Variants in LNPK observed in about 807,000 individuals in gnomAD.
LNPK encodes lunapark, ER junction formation factor.
A neutral mutation model predicts 55.2 loss-of-function variants in LNPK; 29 were observed. That is an observed-to-expected ratio of 0.53 (90% CI 0.39 to 0.72). LNPK has a LOEUF of 0.72. Among genes scored for constraint, LNPK ranks in the 30% least tolerant of loss-of-function variants. LNPK has a pLI of 0.00. For synonymous variants in LNPK, 162 were observed against 168.2 expected (o/e 0.96, Z 0.29); for missense variants, 467 against 494.8 (o/e 0.94, Z 0.53).
rs1684602250 is a variant in LNPK, at chr2:175,937,386, G to T, written c.1012C>A (p.Pro338Thr). ...TCTGATGAAAGCACACTTCCTGATG[G>T]CAAGGGACCAACTGAACTTGAACCT... is the stretch of plus-strand genomic sequence containing the variant. ...VEGSSSVGPL[P>T]SGSVLSSDNQ... The change falls in exon 12 of 13, where the codon CCA becomes ACA. Residue 338 changes from proline to threonine, a missense_variant. Coordinates refer to ENST00000272748, the MANE Select transcript of LNPK (RefSeq NM_030650.3). The T allele has an allele frequency of 6.2e-7, 1 of 1,613,570 alleles. No individual in the cohort carries two copies. The highest frequency in any genetic ancestry group is 2.2e-5 in the East Asian group (1 of 44,854).
At chr2:175,963,445 TATCA>T (rs1686167128) in intron 8 of LNPK, among the ~76,000 whole-genome samples, 1 of 151,976 alleles carries the variant, frequency 6.6e-6, no homozygotes, top group African/African-American at 2.4e-5. Flanking sequence ...CTCAGTAAAC[TATCA>T]CAAGAACAAA....
chr2:175,991,967 C>A (rs1004154419), intron 4 of LNPK, among the ~76,000 whole-genome samples: 1 of 152,106 alleles, frequency 6.6e-6, no homozygotes, highest in East Asian at 1.9e-4. Flanking sequence ...GGAGCATGGT[C>A]ATCTACTAGA....
intron 11 of LNPK, 71 bp from the exon 12 acceptor site, chr2:175,937,585 A>C: frequency 1.1e-5 from 12 of 1,079,798 alleles, no homozygotes; most frequent in East Asian, 2.5e-5. Context: ...TAGTTAACTC[A>C]CAAGATCACT....
chr2:175,971,296 A>G (rs1686651828), intron 5 of LNPK, among the ~76,000 whole-genome samples: 1 of 152,130 alleles, frequency 6.6e-6, no homozygotes, highest in Non-Finnish European at 1.5e-5. Flanking sequence ...GCATCTGAGA[A>G]GGGACATGGA....
At chr2:175,934,007 C>T (rs940296243) in intron 12 of LNPK, among the ~76,000 whole-genome samples, 6 of 152,144 alleles carry the variant, frequency 3.9e-5, no homozygotes, top group African/African-American at 9.7e-5. Flanking sequence ...GGATTACAGG[C>T]GTGAGCCACC....
rs1684142144 is a variant in LNPK, at chr2:175,928,992, A to G, written c.*975T>C. 2 of 384,334 alleles carry G rather than the reference A, an allele frequency of 5.2e-6. No individual in the cohort carries two copies. The highest frequency in any genetic ancestry group is 7.1e-6 in the Non-Finnish European group (2 of 280,036). 23.8% of individuals were successfully genotyped at this position (384,334 alleles called of 1,614,324 possible). ...GGAAACAAGTCTGAATAAAAGTACC[A>G]TAATTTGCTCTAAGCAGAATCTACA... On this transcript the variant is annotated 3_prime_UTR_variant, in exon 13 of 13. Transcript: ENST00000272748.
chr2:175,962,057 CACAA>C (rs1450542703), intron 8 of LNPK, among the ~76,000 whole-genome samples: 1 of 152,070 alleles, frequency 6.6e-6, no homozygotes, highest in Admixed American at 6.6e-5. Flanking sequence ...TAAAAGAGGA[CACAA>C]ACAAATAGAA....
chr2:175,995,871 T>C (rs1687909544), intron 1 of LNPK, among the ~76,000 whole-genome samples: 1 of 127,478 alleles, frequency 7.8e-6, no homozygotes, highest in African/African-American at 2.9e-5. Flanking sequence ...TGGAGTGCAG[T>C]GGCGAGATCT....
chr2:175,955,321 G>A (rs1056878153), intron 8 of LNPK, among the ~76,000 whole-genome samples: 13 of 152,110 alleles, frequency 8.5e-5, no homozygotes, highest in African/African-American at 3.1e-4. Flanking sequence ...CAACTGACCC[G>A]AGAGAAGTCC....
chr2:175,946,319 A>G (rs1685120020), intron 9 of LNPK, among the ~76,000 whole-genome samples: 1 of 152,206 alleles, frequency 6.6e-6, no homozygotes, highest in Admixed American at 6.5e-5. Context: ...AATCATGGGT[A>G]TCTCAAATCA....
intron 12 of LNPK, among the ~76,000 whole-genome samples, chr2:175,935,184 T>A (rs2105522104): frequency 6.6e-6 from 1 of 152,324 alleles, no homozygotes; most frequent in Middle Eastern, 3.4e-3. Flanking sequence ...TGGTTCCATC[T>A]GTAACTTCAA....
chr2:175,929,399 T>C lies in LNPK; in HGVS notation c.*568A>G, dbSNP rs1684157514. On this transcript the variant is annotated 3_prime_UTR_variant, in exon 13 of 13. Coordinates refer to ENST00000272748, the MANE Select transcript of LNPK (RefSeq NM_030650.3). ...GTACCAGTGCCAACGTAGTTACAGT[T>C]CTACTTAACTGTTCCACTGCATTCT... 2 of 985,342 alleles carry C rather than the reference T, an allele frequency of 2.0e-6. No homozygotes were observed. The highest frequency in any genetic ancestry group is 1.7e-5 in the African/African-American group (1 of 57,230). The allele number at this position is 985,342 out of a possible 1,614,324, so 61.0% of individuals were successfully genotyped here.
chr2:176,001,986 G>A (rs1559082526), intron 1 of LNPK, among the ~76,000 whole-genome samples, 174 bp downstream of exon 1: 1 of 152,214 alleles, frequency 6.6e-6, no homozygotes, highest in African/African-American at 2.4e-5. Context: ...GGGTCTGCGC[G>A]GACCACCGCG....
rs1223070327 is a variant in LNPK at position 175,924,405 on chromosome 2, T to C, written c.*5562A>G. 3 of 152,232 alleles carry C rather than the reference T, an allele frequency of 2.0e-5. No individual in the cohort carries two copies. Among genetic ancestry groups the C allele is most frequent in the Non-Finnish European group, 4.4e-5 (3 of 68,046 alleles). 9.4% of individuals were successfully genotyped at this position (152,232 alleles called of 1,614,324 possible). Reference sequence around the variant, plus strand: ...AGAAGAAAGTTTTAAGACGATTAAGTAGTTGCTGTCCACTGGAAATAAAAG... The same window carrying C: ...AGAAGAAAGTTTTAAGACGATTAAGCAGTTGCTGTCCACTGGAAATAAAAG... On this transcript the variant is annotated 3_prime_UTR_variant, in exon 13 of 13. Coordinates refer to ENST00000272748, the MANE Select transcript of LNPK (RefSeq NM_030650.3).
chr2:175,935,722 G>T, intron 12 of LNPK: 1 of 960,810 alleles, frequency 1.0e-6, no homozygotes, highest in Non-Finnish European at 1.2e-6. Context: ...TTGGGGTTGG[G>T]TTTGAGCCAG....
intron 4 of LNPK, among the ~76,000 whole-genome samples, chr2:175,981,367 C>T: frequency 6.6e-6 from 1 of 152,188 alleles, no homozygotes; most frequent in South Asian, 2.1e-4. Flanking sequence ...GTGGTAAACA[C>T]TCAGCAAAGA....
intron 8 of LNPK, among the ~76,000 whole-genome samples, chr2:175,952,947 C>T (rs1685496027): frequency 6.6e-6 from 1 of 152,046 alleles, no homozygotes; most frequent in South Asian, 2.1e-4. Flanking sequence ...TATATCAATC[C>T]TTTGGGGTAA....
In LNPK at chr2:175,938,378, G is replaced by C; in HGVS notation, c.818C>G (p.Ala273Gly). The stretch of plus-strand genomic sequence containing the variant: ...AGAAAAACACTGCTGACATATAAGT[G>C]CATACCTACACCGTAAGGAAAAATG... ...LVGDGPQNRY[A>G]LICQQCFSHN... The change falls in exon 11 of 13, where the codon GCA becomes GGA. Residue 273 changes from alanine to glycine, a missense_variant. Physicochemically the swap from Ala to Gly is moderately conservative, Grantham distance 60. Coordinates refer to ENST00000272748, the MANE Select transcript of LNPK (RefSeq NM_030650.3). 6.3e-7 allele frequency: 1 copy of C among 1,586,472 alleles called. No individual in the cohort carries two copies. The highest frequency in any genetic ancestry group is 8.6e-7 in the Non-Finnish European group (1 of 1,158,774).
chr2:175,940,264 GACA>G (rs780287580), intron 9 of LNPK, among the ~76,000 whole-genome samples: 24 of 151,746 alleles, frequency 1.6e-4, no homozygotes, highest in Admixed American at 8.6e-4. Flanking sequence ...CAGTTGAGGA[GACA>G]AAGCCAGAAT....
Sources: allele counts gnomAD v4.1 joint callset (sites outside exome capture counted in the v4.1 genomes callset), GRCh38; gene constraint gnomAD v4.1.1; transcripts MANE v1.5; gene names NCBI Gene and HGNC (gene_info 2026-07-23, HGNC 2026-07-21).